PDSS2: variants seen among roughly 807,000 people sequenced by gnomAD.
The protein encoded by PDSS2 is decaprenyl diphosphate synthase subunit 2, also known as all trans-polyprenyl-diphosphate synthase PDSS2.
Under a neutral mutation model 44.5 loss-of-function variants are expected in PDSS2, and 31 were observed. That is an observed-to-expected ratio of 0.70 (90% CI 0.52 to 0.94). The LOEUF is 0.94. Among genes scored for constraint, PDSS2 ranks in the 40% least tolerant of loss-of-function variants. PDSS2 has a pLI of 0.00. For missense variants in PDSS2, 452 were observed against 482.2 expected, an observed-to-expected ratio of 0.94 and a Z score of 0.59; for synonymous variants, 157 against 180.3, an observed-to-expected ratio of 0.87 and a Z score of 1.03.
At chr6:107,314,727 C>T (rs1038415782) in intron 2 of PDSS2, among the ~76,000 whole-genome samples, 6 of 152,204 alleles carry the variant, frequency 3.9e-5, no homozygotes, top group African/African-American at 1.4e-4. Flanking sequence ...AGGTTAAAAC[C>T]ATTATGCCCT....
Position 107,366,176 on chromosome 6 carries a change from A to G in PDSS2, c.297-31844T>C, listed in dbSNP as rs73513147. On this transcript the variant is annotated intron_variant, in intron 1 of 7. Coordinates refer to ENST00000369037, the MANE Select transcript of PDSS2 (RefSeq NM_020381.4). ...ATACATTTTAAAAGACTGAAATCAT[A>G]AAAAGTATGTTCTCTGACCACAACA... Among the ~76,000 whole-genome samples the G allele has an allele frequency of 6.1e-3, 931 of 152,294 alleles. 6 individuals are homozygous for G. Among genetic ancestry groups the G allele is most frequent in the African/African-American group, 0.022 (910 of 41,576 alleles).
chr6:107,161,112 T>C (rs934316586), intron 7 of PDSS2, among the ~76,000 whole-genome samples: 11 of 150,574 alleles, frequency 7.3e-5, no homozygotes, highest in Admixed American at 7.3e-4. Flanking sequence ...TGAGCTCAAG[T>C]GATCCACCCA....
At chr6:107,249,223 A>G (rs1353226191) in intron 3 of PDSS2, among the ~76,000 whole-genome samples, 1 of 152,224 alleles carries the variant, frequency 6.6e-6, no homozygotes, top group Non-Finnish European at 1.5e-5. Flanking sequence ...GTGAGTGTTA[A>G]CTTATTCTTC....
chr6:107,443,728 C>G (rs894823470), intron 1 of PDSS2, among the ~76,000 whole-genome samples: 2 of 152,130 alleles, frequency 1.3e-5, no homozygotes, highest in Non-Finnish European at 2.9e-5. Context: ...GTCTTAAATT[C>G]TTTTCCTGCC....
chr6:107,344,790 C>T lies in PDSS2; in HGVS notation c.297-10458G>A, dbSNP rs187561596. 8.5e-5 allele frequency among the ~76,000 whole-genome samples: 13 copies of T among 152,094 alleles called. 1 individual carries two copies. In the East Asian group the frequency reaches 1.9e-3, roughly 23 times the overall value. ...GAAATTAAAAAGAAGTATAAAATGT[C>T]GTGATCAATCATGTTTGCAGCAAGA... is the stretch of plus-strand genomic sequence containing the variant. On this transcript the variant is annotated intron_variant, in intron 1 of 7. Transcript: ENST00000369037.
rs115050293 is a variant in PDSS2, at chr6:107,221,641, C to T, written c.703-9359G>A. On this transcript the variant is annotated intron_variant, in intron 4 of 7. Coordinates refer to ENST00000369037, the MANE Select transcript of PDSS2 (RefSeq NM_020381.4). The stretch of plus-strand genomic sequence containing the variant: ...AAAAACTGAAACTTGCAAGATGATG[C>T]TTGCTTGAGATAGTGGTACTGGTGG... Among the ~76,000 whole-genome samples the T allele has an allele frequency of 6.2e-3, 948 of 152,216 alleles. 9 individuals carry two copies. Among genetic ancestry groups the T allele is most frequent in the African/African-American group, 0.022 (917 of 41,530 alleles).
At chr6:107,280,889 A>C (rs1188352479) in intron 2 of PDSS2, among the ~76,000 whole-genome samples, 1 of 152,192 alleles carries the variant, frequency 6.6e-6, no homozygotes, top group African/African-American at 2.4e-5. Context: ...AAAAATATAC[A>C]GAAAAGTACA....
At chr6:107,269,298 G>C (rs1299387595) in intron 3 of PDSS2, among the ~76,000 whole-genome samples, 6 of 151,050 alleles carry the variant, frequency 4.0e-5, no homozygotes, top group Non-Finnish European at 7.4e-5. Context: ...GCCAAATTTA[G>C]ATGGTGCAAA....
intron 1 of PDSS2, among the ~76,000 whole-genome samples, chr6:107,442,744 T>A (rs1169280017): frequency 1.3e-5 from 2 of 152,126 alleles, no homozygotes; most frequent in Non-Finnish European, 2.9e-5. Flanking sequence ...TTATTCTTCT[T>A]CTGTTCTTTC....
rs369070437 is a variant in PDSS2, at chr6:107,172,771, C to CT, written c.1042-17995dup. On this transcript the variant is annotated intron_variant, in intron 7 of 7. Coordinates refer to ENST00000369037, the MANE Select transcript of PDSS2 (RefSeq NM_020381.4). ...ATAATAAAACACACACACACACATT[C>CT]TTTTTTTTTTTCTTCTTCTTTTTTT... Among the ~76,000 whole-genome samples, 96 of 147,720 alleles carry CT rather than the reference C, an allele frequency of 6.5e-4. 1 individual carries two copies. The East Asian group carries it at 0.014, about 21-fold the overall frequency.
chr6:107,200,895 C>T (rs369268405), intron 6 of PDSS2, among the ~76,000 whole-genome samples: 3 of 152,064 alleles, frequency 2.0e-5, no homozygotes, highest in Non-Finnish European at 4.4e-5. Context: ...AAACTCCTGT[C>T]CTCAGGTGAT....
At chr6:107,271,837 G>A (rs555061248) in intron 3 of PDSS2, among the ~76,000 whole-genome samples, 3 of 151,976 alleles carry the variant, frequency 2.0e-5, no homozygotes, top group South Asian at 4.2e-4. Context: ...GGAGGATTTC[G>A]TGAGCCCAGG....
At chr6:107,255,232 G>C (rs1016513994) in intron 3 of PDSS2, among the ~76,000 whole-genome samples, 7 of 119,604 alleles carry the variant, frequency 5.9e-5, no homozygotes, top group African/African-American at 2.0e-4. Context: ...AGTCTCTGTT[G>C]CCCAGGCTGA....
chr6:107,414,009 AC>A (rs1258120012), intron 1 of PDSS2, among the ~76,000 whole-genome samples: 5 of 152,266 alleles, frequency 3.3e-5, no homozygotes, highest in African/African-American at 1.2e-4. Flanking sequence ...TAGAAAGAAA[AC>A]AAAAAGAAAA....
At chr6:107,226,668 ATT>A (rs61088823) in intron 4 of PDSS2, among the ~76,000 whole-genome samples, 13 of 132,188 alleles carry the variant, frequency 9.8e-5, no homozygotes, top group Non-Finnish European at 9.6e-5. Flanking sequence ...GGATTTTGGA[ATT>A]TTTTTTTTTT....
chr6:107,254,520 T>C (rs545451408), intron 3 of PDSS2, among the ~76,000 whole-genome samples: 195 of 152,298 alleles, frequency 1.3e-3, no homozygotes, highest in Non-Finnish European at 2.4e-3. Flanking sequence ...CTGATTATCA[T>C]ATAGCAGTTA....
chr6:107,313,478 G>A (rs1440244323), intron 2 of PDSS2, among the ~76,000 whole-genome samples: 1 of 152,018 alleles, frequency 6.6e-6, no homozygotes, highest in Non-Finnish European at 1.5e-5. Context: ...TCAGCCTCCT[G>A]AGTAGCTGGG....
chr6:107,170,460 G>A (rs994450520), intron 7 of PDSS2, among the ~76,000 whole-genome samples: 4 of 152,238 alleles, frequency 2.6e-5, no homozygotes, highest in South Asian at 2.1e-4. Context: ...TTCAGCTCAC[G>A]CTCGGTGCAC....
intron 7 of PDSS2, among the ~76,000 whole-genome samples, chr6:107,166,480 T>C (rs1771354873): frequency 6.7e-6 from 1 of 148,664 alleles, no homozygotes; most frequent in South Asian, 2.2e-4. Context: ...TTCTCCTGCC[T>C]CAGTCTCCTG....
Sources: allele counts gnomAD v4.1 joint callset (sites outside exome capture counted in the v4.1 genomes callset), GRCh38; gene constraint gnomAD v4.1.1; transcripts MANE v1.5; gene names NCBI Gene and HGNC (gene_info 2026-07-23, HGNC 2026-07-21).